Variants in EML4 observed in about 807,000 individuals in gnomAD.
EML4 encodes the protein echinoderm microtubule-associated protein-like 4.
In EML4, 72 loss-of-function variants were observed where a neutral mutation model predicts 129.0. The ratio of observed to expected loss-of-function variants is 0.56; its 90% CI spans 0.46 to 0.68. The LOEUF (loss-of-function observed/expected upper bound fraction) is 0.68. Ranked by LOEUF, EML4 falls within the 30% of genes least tolerant of loss-of-function variation. The pLI, the probability that EML4 is intolerant of heterozygous loss-of-function variation, is 0.00. For missense variants in EML4, 1,363 were observed against 1,190.6 expected, an observed-to-expected ratio of 1.14 and a Z score of -2.13; for synonymous variants, 532 against 405.0, an observed-to-expected ratio of 1.31 and a Z score of -3.77.
At chr2:42,200,741 G>A (rs1672182587) in intron 1 of EML4, among the ~76,000 whole-genome samples, 1 of 151,880 alleles carries the variant, frequency 6.6e-6, no homozygotes, top group African/African-American at 2.4e-5. Context: ...ATCTTTTTTG[G>A]CATTTTTAAA....
chr2:42,169,957 T>A (rs1382317999), intron 1 of EML4: 2 of 305,230 alleles, frequency 6.6e-6, no homozygotes, highest in East Asian at 1.0e-4. Context: ...CACTCACGGC[T>A]CCCTCCACTT....
At chr2:42,255,332 A>G (rs1313316982) in intron 2 of EML4, among the ~76,000 whole-genome samples, 2 of 151,902 alleles carry the variant, frequency 1.3e-5, no homozygotes, top group East Asian at 1.9e-4. Flanking sequence ...TGATCCGCCC[A>G]CCTCAGCCTC....
chr2:42,326,102 A>G, intron 20 of EML4, 52 bp from the exon 21 acceptor site: 1 of 1,597,484 alleles, frequency 6.3e-7, no homozygotes. Context: ...GCACTTTCAA[A>G]TACATTTGTA....
chr2:42,281,084 T>C, intron 7 of EML4, 111 bp downstream of exon 7: 1 of 909,648 alleles, frequency 1.1e-6, no homozygotes, highest in South Asian at 2.1e-5. Flanking sequence ...AAGTAACAGC[T>C]ACTTAAAAAA....
intron 2 of EML4, among the ~76,000 whole-genome samples, chr2:42,255,655 T>TA (rs1395220514): frequency 6.6e-6 from 1 of 152,170 alleles, no homozygotes. Context: ...AAAAAAAAAT[T>TA]TCTTAAGAGG....
intron 1 of EML4, among the ~76,000 whole-genome samples, chr2:42,212,659 A>C (rs1006891946): frequency 6.6e-6 from 1 of 152,196 alleles, no homozygotes. Context: ...CCACAGATAC[A>C]CTTACTGTAT....
At chr2:42,196,742 C>T (rs930611811) in intron 1 of EML4, among the ~76,000 whole-genome samples, 1 of 152,170 alleles carries the variant, frequency 6.6e-6, no homozygotes, top group African/African-American at 2.4e-5. Flanking sequence ...TAAATCTAAC[C>T]CACCAAATTA....
chr2:42,224,890 A>G (rs1673854445), intron 1 of EML4, among the ~76,000 whole-genome samples: 1 of 152,044 alleles, frequency 6.6e-6, no homozygotes. Flanking sequence ...GAACTTTTTC[A>G]TCATATTAGT....
chr2:42,249,061 C>T (rs973929635), intron 2 of EML4, among the ~76,000 whole-genome samples: 2 of 152,110 alleles, frequency 1.3e-5, no homozygotes, highest in African/African-American at 4.8e-5. Flanking sequence ...TTAAGTGACT[C>T]TTCACTATTG....
chr2:42,271,934 C>G (rs1185826831), intron 6 of EML4, among the ~76,000 whole-genome samples: 1 of 151,992 alleles, frequency 6.6e-6, no homozygotes, highest in Non-Finnish European at 1.5e-5. Context: ...AAAACCCCAT[C>G]TCTACAAAAA....
At chr2:42,320,030 A>G (rs1189001062) in intron 19 of EML4, 8 of 152,208 alleles carry the variant, frequency 5.3e-5, no homozygotes. Context: ...ATGCATTTGG[A>G]GTCTCTCTTC....
intron 2 of EML4, among the ~76,000 whole-genome samples, chr2:42,251,987 ATTGT>A (rs1197925819): frequency 1.3e-5 from 2 of 152,230 alleles, no homozygotes; most frequent in Non-Finnish European, 2.9e-5. Context: ...AAATCAATAA[ATTGT>A]TTGTAAATTG....
intron 7 of EML4, 141 bp from the exon 8 acceptor site, chr2:42,282,682 C>T: frequency 1.4e-6 from 1 of 725,862 alleles, no homozygotes; most frequent in South Asian, 1.8e-5. Flanking sequence ...TGTGAGCACT[C>T]TGCCCGTCCA....
chr2:42,297,168 A>T (rs890853791), intron 13 of EML4, among the ~76,000 whole-genome samples: 3 of 152,172 alleles, frequency 2.0e-5, no homozygotes, highest in African/African-American at 4.8e-5. Context: ...TAAAAAATAG[A>T]GTTACAACAA....
chr2:42,257,099 C>T (rs1676202297), intron 3 of EML4, among the ~76,000 whole-genome samples: 1 of 151,800 alleles, frequency 6.6e-6, no homozygotes, highest in African/African-American at 2.4e-5. Flanking sequence ...AAATATAGTA[C>T]TATCTGGGGT....
intron 1 of EML4, among the ~76,000 whole-genome samples, chr2:42,183,611 C>A (rs1572841230): frequency 6.6e-6 from 1 of 152,108 alleles, no homozygotes; most frequent in African/African-American, 2.4e-5. Flanking sequence ...TACACATATG[C>A]TTTTTGCAGG....
In EML4 at chr2:42,217,618, G is replaced by C. The variant is rs150528627; in HGVS notation, c.26-27887G>C. ...TGTGGAATACTGTACCCATGAAAAA[G>C]ATGCTTTCTGAGGATTCTTAAAATA... On this transcript the variant is annotated intron_variant, in intron 1 of 22. Transcript: ENST00000318522. Among the ~76,000 whole-genome samples the C allele has an allele frequency of 2.1e-3, 313 of 152,168 alleles. 2 individuals carry two copies. Among genetic ancestry groups the C allele is most frequent in the African/African-American group, 7.1e-3 (293 of 41,544 alleles).
intron 1 of EML4, among the ~76,000 whole-genome samples, chr2:42,171,144 C>A (rs191873374): frequency 4.0e-4 from 61 of 152,328 alleles, no homozygotes; most frequent in Non-Finnish European, 5.3e-4. Flanking sequence ...GAGAGACATC[C>A]ATTTTTCCCT....
chr2:42,181,650 A>C (rs1670952570), intron 1 of EML4, among the ~76,000 whole-genome samples: 1 of 152,140 alleles, frequency 6.6e-6, no homozygotes, highest in Non-Finnish European at 1.5e-5. Context: ...TTTGATGCTT[A>C]AATTGACCCT....
Sources: allele counts gnomAD v4.1 joint callset (sites outside exome capture counted in the v4.1 genomes callset), GRCh38; gene constraint gnomAD v4.1.1; transcripts MANE v1.5; gene names NCBI Gene and HGNC (gene_info 2026-07-23, HGNC 2026-07-21).